The following DUSP22 variants were observed in gnomAD, a reference collection of about 807,000 sequenced individuals.
The protein encoded by DUSP22 is dual specificity phosphatase 22, also known as dual specificity protein phosphatase 22.
In DUSP22, 24 loss-of-function variants were observed where a neutral mutation model predicts 24.5. The ratio of observed to expected loss-of-function variants is 0.98; its 90% CI spans 0.71 to 1.38. The LOEUF (loss-of-function observed/expected upper bound fraction) is 1.38, where lower values mean the gene tolerates loss of function less well. Among genes scored for constraint, DUSP22 ranks in the 40% most tolerant of loss-of-function variants. DUSP22 has a pLI of 0.00. For missense variants in DUSP22, 330 were observed against 269.2 expected (o/e 1.23, Z -1.58); for synonymous variants, 160 against 106.4 (o/e 1.50, Z -3.10).
Position 345,792 on chromosome 6 carries a change from T to G in DUSP22, c.189-62T>G. The G allele has an allele frequency of 1.9e-6, 3 of 1,574,852 alleles. No individual in the cohort carries two copies. The South Asian group carries it at 3.4e-5, about 18-fold the overall frequency. ...TAAGAAAGAAGCCTCAGGTAGAATT[T>G]TCTTTTCATCATATATTGAGTAAAG... On this transcript the variant is annotated intron_variant, in intron 4 of 6. Transcript: ENST00000419235.
chr6:316,221 A>G (rs1758329764), intron 3 of DUSP22, among the ~76,000 whole-genome samples: 1 of 152,306 alleles, frequency 6.6e-6, no homozygotes, highest in African/African-American at 2.4e-5. Context: ...GCTGGAACCA[A>G]GGCCTTCTCA....
At position 349,135 on chromosome 6, in the gene DUSP22, C is replaced by T; in HGVS notation, c.*184C>T. On this transcript the variant is annotated 3_prime_UTR_variant, in exon 7 of 7. Transcript: ENST00000419235. ...CCAGGCCCCTGCACTCCGCCCACCC[C>T]TACCCTGGCTGCACCTGAGCTTGCT... 1 of 1,437,616 alleles carries T rather than the reference C, an allele frequency of 7.0e-7. No homozygotes were observed. Among genetic ancestry groups the T allele is most frequent in the South Asian group, 1.5e-5 (1 of 67,180 alleles). The allele number at this position is 1,437,616 out of a possible 1,614,324, so 89.1% of individuals were successfully genotyped here.
chr6:348,014 TC>T, intron 5 of DUSP22, 88 bp from the exon 6 acceptor site: 2 of 1,556,604 alleles, frequency 1.3e-6, no homozygotes, highest in Non-Finnish European at 1.7e-6. Flanking sequence ...CTGAACAAGG[TC>T]CTTAGAGTCC....
At position 350,768 on chromosome 6, in the gene DUSP22, A is replaced by G; in HGVS notation, c.*1817A>G. On this transcript the variant is annotated 3_prime_UTR_variant, in exon 7 of 7. Transcript: ENST00000419235. ...TACAAACCTCTCAGTGTATTCTTGG[A>G]GTTCTTGAAATGTTGTTTTAATATT... The G allele has an allele frequency of 1.9e-6, 3 of 1,614,092 alleles. No homozygotes were observed. The highest frequency in any genetic ancestry group is 3.3e-5 in the Admixed American group (2 of 60,026).
intron 1 of DUSP22, among the ~76,000 whole-genome samples, chr6:294,141 GT>G (rs1308145624): frequency 6.6e-6 from 1 of 152,266 alleles, no homozygotes; most frequent in Non-Finnish European, 1.5e-5. Context: ...AGGGATCAAC[GT>G]TATTTTCATG....
At chr6:344,683 A>G (rs561519562) in intron 4 of DUSP22, among the ~76,000 whole-genome samples, 2 of 152,422 alleles carry the variant, frequency 1.3e-5, no homozygotes, top group African/African-American at 2.4e-5. Context: ...GAGAAGATAA[A>G]TGGCTTGTCC....
At chr6:310,502 C>T (rs1758031954) in intron 2 of DUSP22, among the ~76,000 whole-genome samples, 1 of 152,304 alleles carries the variant, frequency 6.6e-6, no homozygotes, top group Non-Finnish European at 1.5e-5. Flanking sequence ...TAATAGCCAA[C>T]TGATAGCTGA....
intron 3 of DUSP22, among the ~76,000 whole-genome samples, chr6:320,757 C>A (rs1035541722): frequency 6.6e-6 from 1 of 152,272 alleles, no homozygotes; most frequent in Middle Eastern, 3.2e-3. Context: ...TGCTTCAGGG[C>A]AGGTCAGGGA....
chr6:327,776 A>G (rs1447827238), intron 3 of DUSP22, among the ~76,000 whole-genome samples: 1 of 152,418 alleles, frequency 6.6e-6, no homozygotes, highest in Non-Finnish European at 1.5e-5. Flanking sequence ...CAGAAAGCCT[A>G]TTCCAGAGAG....
In DUSP22 at chr6:350,986, G is replaced by C; in HGVS notation, c.*2035G>C. 7.1e-7 allele frequency: 1 copy of C among 1,399,216 alleles called. No individual in the cohort carries two copies. 86.7% of individuals were successfully genotyped at this position (1,399,216 alleles called of 1,614,324 possible). A position where few individuals can be genotyped will look rare whatever the true frequency, so the allele number is the denominator to read the frequency against. ...TGATTTGTAAACTTGTTTTTCATTT[G>C]AAGCTGAATATATACGTAGTCATGT... is the stretch of plus-strand genomic sequence containing the variant. On this transcript the variant is annotated 3_prime_UTR_variant, in exon 7 of 7. Transcript: ENST00000419235.
chr6:337,526 T>G (rs111689008), intron 4 of DUSP22, among the ~76,000 whole-genome samples: 1 of 152,420 alleles, frequency 6.6e-6, no homozygotes, highest in African/African-American at 2.4e-5. Context: ...TGCCAGCTTC[T>G]TCTCTGAGTT....
intron 1 of DUSP22, among the ~76,000 whole-genome samples, chr6:296,535 TGTC>T (rs1195873321): frequency 2.0e-5 from 3 of 152,298 alleles, no homozygotes; most frequent in South Asian, 2.1e-4. Context: ...TGCATGCAAA[TGTC>T]GTGTTCCTGT....
intron 1 of DUSP22, among the ~76,000 whole-genome samples, chr6:297,871 G>A (rs1378409085): frequency 1.3e-5 from 2 of 152,310 alleles, no homozygotes; most frequent in African/African-American, 4.8e-5. Flanking sequence ...TTGGCTGCCT[G>A]CGTAATCCAG....
rs549602561 is a variant in DUSP22, at chr6:344,104, C to T, written c.189-1750C>T. 2.6e-5 allele frequency among the ~76,000 whole-genome samples: 4 copies of T among 152,422 alleles called. No individual in the cohort carries two copies. In the East Asian group the frequency reaches 5.8e-4, roughly 22 times the overall value. On this transcript the variant is annotated intron_variant, in intron 4 of 6. Transcript: ENST00000419235. Reference sequence around the variant, plus strand: ...ACACATGCTGGTTGGGAGCGCACCACAGTGGGGCTCGAGTCCTGCCTGGCT... The same window carrying T: ...ACACATGCTGGTTGGGAGCGCACCATAGTGGGGCTCGAGTCCTGCCTGGCT...
intron 3 of DUSP22, among the ~76,000 whole-genome samples, chr6:328,693 A>G (rs939336072): frequency 2.0e-5 from 3 of 152,304 alleles, no homozygotes; most frequent in Non-Finnish European, 2.9e-5. Flanking sequence ...TGCTTTAAGA[A>G]AATACATCTT....
rs1214967139 is a variant in DUSP22 at position 350,424 on chromosome 6, A to G, written c.*1473A>G. The G allele has an allele frequency of 4.5e-6, 5 of 1,121,788 alleles. No individual in the cohort carries two copies. The East Asian group carries it at 2.8e-4, about 63-fold the overall frequency. 69.5% of individuals were successfully genotyped at this position (1,121,788 alleles called of 1,614,324 possible). ...AAAAACATACTCGACCTCTCCCTAAAAAGATGTTGCAACCCAGTTTCTCTG... is the reference window on the plus strand; with the variant it reads ...AAAAACATACTCGACCTCTCCCTAAGAAGATGTTGCAACCCAGTTTCTCTG... On this transcript the variant is annotated 3_prime_UTR_variant, in exon 7 of 7. Coordinates refer to ENST00000419235, the MANE Select transcript of DUSP22 (RefSeq NM_001286555.3).
At chr6:347,986 C>T in intron 5 of DUSP22, 117 bp from the exon 6 acceptor site, 1 of 1,472,980 alleles carries the variant, frequency 6.8e-7, no homozygotes, top group Non-Finnish European at 9.3e-7. Flanking sequence ...CACATATAAT[C>T]CAAGGCAGGA....
chr6:339,807 T>C (rs531035017), intron 4 of DUSP22, among the ~76,000 whole-genome samples: 1 of 152,430 alleles, frequency 6.6e-6, no homozygotes, highest in South Asian at 2.1e-4. Context: ...ACACCTTCTG[T>C]ACTTTCAACT....
chr6:312,520 A>T (rs1758156586), intron 3 of DUSP22, among the ~76,000 whole-genome samples: 1 of 152,294 alleles, frequency 6.6e-6, no homozygotes, highest in African/African-American at 2.4e-5. Context: ...AACATCTTTA[A>T]ATTTACCCTA....
Sources: allele counts gnomAD v4.1 joint callset (sites outside exome capture counted in the v4.1 genomes callset), GRCh38; gene constraint gnomAD v4.1.1; transcripts MANE v1.5; gene names NCBI Gene and HGNC (gene_info 2026-07-23, HGNC 2026-07-21).